Variants in GNA11 observed in about 807,000 individuals in gnomAD.
GNA11 encodes guanine nucleotide-binding protein subunit alpha-11.
GNA11 carries 8 observed loss-of-function variants against 38.2 expected under a neutral mutation model. The ratio of observed to expected loss-of-function variants is 0.21; its 90% confidence interval spans 0.12 to 0.38. The LOEUF (loss-of-function observed/expected upper bound fraction) is 0.38, where lower values mean the gene tolerates loss of function less well. GNA11 is among the 10% of genes least tolerant of loss of function. The pLI is 1.00. For synonymous variants in GNA11, 211 were observed against 221.4 expected, an observed-to-expected ratio of 0.95 and a Z score of 0.42; for missense variants, 268 against 516.3, an observed-to-expected ratio of 0.52 and a Z score of 4.66.
At chr19:3,115,140 A>C (rs2145321442) in intron 4 of GNA11, 68 bp downstream of exon 4, 4 of 1,541,584 alleles carry the variant, frequency 2.6e-6, no homozygotes, top group Non-Finnish European at 3.6e-6. Context: ...GTGCCGGCTC[A>C]TGCCTGCGCA....
At position 3,120,050 on chromosome 19, in the gene GNA11, G is replaced by C. The variant is rs1054463821; in HGVS notation, c.889+691G>C. Among the ~76,000 whole-genome samples, 3 of 152,106 alleles carry C rather than the reference G, an allele frequency of 2.0e-5. No homozygotes were observed. The highest frequency in any genetic ancestry group is 7.2e-5 in the African/African-American group (3 of 41,414). On this transcript the variant is annotated intron_variant, in intron 6 of 6. Coordinates refer to ENST00000078429, the MANE Select transcript of GNA11 (RefSeq NM_002067.5). The surrounding 1 kb of genome is among the most constrained non-coding windows in gnomAD (Gnocchi z 5.9). The stretch of plus-strand genomic sequence containing the variant: ...GTTAGTGCTGTCACCACTCAGAGCT[G>C]TCCCTGCCAGGCACAGTGAGGCCCT...
At chr19:3,099,233 C>T (rs1395258752) in intron 1 of GNA11, among the ~76,000 whole-genome samples, 1 of 115,252 alleles carries the variant, frequency 8.7e-6, no homozygotes, top group South Asian at 2.9e-4. Context: ...CTCGGCCCTA[C>T]CCTGTAGACA....
At chr19:3,114,130 C>T (rs1913848497) in intron 3 of GNA11, among the ~76,000 whole-genome samples, 1 of 152,194 alleles carries the variant, frequency 6.6e-6, no homozygotes. Context: ...TCCCCCGCCC[C>T]TCCTGCCCGT....
rs1914126626 is a variant in GNA11, at chr19:3,123,084, A to G, written c.*1905A>G. The G allele has an allele frequency of 4.3e-6, 1 of 233,128 alleles. No homozygotes were observed. The highest frequency in any genetic ancestry group is 2.2e-5 in the African/African-American group (1 of 45,284). The allele number at this position is 233,128 out of a possible 1,614,324, so 14.4% of individuals were successfully genotyped here. A position where few individuals can be genotyped will look rare whatever the true frequency, so the allele number is the denominator to read the frequency against. ...GCCCGGCGGTGCCCTGGGGGAGCAGATGGGGCCACCCCTGGCAGGGCCGCT... is the reference window on the plus strand; with the variant it reads ...GCCCGGCGGTGCCCTGGGGGAGCAGGTGGGGCCACCCCTGGCAGGGCCGCT... On this transcript the variant is annotated 3_prime_UTR_variant, in exon 7 of 7. Coordinates refer to ENST00000078429, the MANE Select transcript of GNA11 (RefSeq NM_002067.5).
intron 2 of GNA11, among the ~76,000 whole-genome samples, chr19:3,111,253 A>G (rs1318392197): frequency 6.6e-6 from 1 of 152,190 alleles, no homozygotes; most frequent in Non-Finnish European, 1.5e-5. Context: ...ATAGTCGTGC[A>G]GCCATCACCG....
At position 3,094,820 on chromosome 19, in the gene GNA11, G is replaced by T. The variant is rs749334196; in HGVS notation, c.136+33G>T. On this transcript the variant is annotated intron_variant, in intron 1 of 6. Transcript: ENST00000078429. This position sits in a 1 kb window ranked among gnomAD's most constrained non-coding sequence, Gnocchi z 6.0. Reference sequence around the variant, plus strand: ...CGGCCCCCGGGCCTGCCGGCTGCGGGCCCTGCCCTGCCTGTGCCTGCCCTG... The same window carrying T: ...CGGCCCCCGGGCCTGCCGGCTGCGGTCCCTGCCCTGCCTGTGCCTGCCCTG... 4 of 1,480,990 alleles carry T rather than the reference G, an allele frequency of 2.7e-6. No individual in the cohort carries two copies. The highest frequency in any genetic ancestry group is 2.7e-5 in the South Asian group (2 of 75,278). 91.7% of individuals were successfully genotyped at this position (1,480,990 alleles called of 1,614,324 possible).
At chr19:3,099,470 G>A (rs1244239496) in intron 1 of GNA11, among the ~76,000 whole-genome samples, 2 of 152,200 alleles carry the variant, frequency 1.3e-5, no homozygotes, top group African/African-American at 4.8e-5. Flanking sequence ...CTAAGTGCCG[G>A]TTTGCTGGCG....
chr19:3,101,131 A>G (rs1051946288), intron 1 of GNA11, among the ~76,000 whole-genome samples: 1 of 151,996 alleles, frequency 6.6e-6, no homozygotes, highest in Non-Finnish European at 1.5e-5. Flanking sequence ...GGTCACCCTG[A>G]TGTTTCAGGG....
intron 1 of GNA11, among the ~76,000 whole-genome samples, chr19:3,096,304 C>T (rs1196129733): frequency 2.0e-5 from 3 of 152,134 alleles, no homozygotes; most frequent in African/African-American, 4.8e-5. Flanking sequence ...TAGGCAGAGC[C>T]GTGGTCCTCA....
chr19:3,095,418 G>A (rs1427983391), intron 1 of GNA11, among the ~76,000 whole-genome samples: 5 of 151,776 alleles, frequency 3.3e-5, no homozygotes, highest in African/African-American at 1.2e-4. Flanking sequence ...TAACCCACAG[G>A]GCACACTCAC....
rs1914013170 is a variant in GNA11 at position 3,119,494 on chromosome 19, A to G, written c.889+135A>G. 3 of 656,404 alleles carry G rather than the reference A, an allele frequency of 4.6e-6. No individual in the cohort carries two copies. The highest frequency in any genetic ancestry group is 4.9e-6 in the Non-Finnish European group (2 of 408,108). 40.7% of individuals were successfully genotyped at this position (656,404 alleles called of 1,614,324 possible). On this transcript the variant is annotated intron_variant, in intron 6 of 6. Coordinates refer to ENST00000078429, the MANE Select transcript of GNA11 (RefSeq NM_002067.5). The surrounding 1 kb of genome is among the most constrained non-coding windows in gnomAD (Gnocchi z 4.6). Reference sequence around the variant, plus strand: ...TCTGATGGGAGGTGTCATGTATGGGAGTGGAGTCTCAGGGAAGGGAGATCT... The same window carrying G: ...TCTGATGGGAGGTGTCATGTATGGGGGTGGAGTCTCAGGGAAGGGAGATCT...
chr19:3,117,118 G>T (rs1426524880), intron 4 of GNA11: 3 of 152,280 alleles, frequency 2.0e-5, no homozygotes, highest in Admixed American at 2.0e-4. Context: ...CTGGACATGG[G>T]CGATGGTGTA....
chr19:3,098,315 C>T (rs569949311), intron 1 of GNA11, among the ~76,000 whole-genome samples: 52 of 152,390 alleles, frequency 3.4e-4, no homozygotes, highest in Admixed American at 4.6e-4. Context: ...ATCCTGGGGT[C>T]CGCCCTGTGG....
At chr19:3,101,915 G>A (rs781640940) in intron 1 of GNA11, among the ~76,000 whole-genome samples, 9 of 152,058 alleles carry the variant, frequency 5.9e-5, no homozygotes, top group Non-Finnish European at 1.2e-4. Flanking sequence ...GCAACATGAC[G>A]AGACCCCTGT....
At chr19:3,104,512 A>T (rs1436384429) in intron 1 of GNA11, among the ~76,000 whole-genome samples, 1 of 152,160 alleles carries the variant, frequency 6.6e-6, no homozygotes, top group Non-Finnish European at 1.5e-5. Context: ...GGGCTCCCTC[A>T]GGTGTGGGAG....
chr19:3,123,007 G>A lies in GNA11; in HGVS notation c.*1828G>A. 4.3e-6 allele frequency: 1 copy of A among 233,256 alleles called. No individual in the cohort carries two copies. The highest frequency in any genetic ancestry group is 2.2e-5 in the African/African-American group (1 of 45,440). The allele number at this position is 233,256 out of a possible 1,614,324, so 14.4% of individuals were successfully genotyped here. ...CCGGAAGCGTCCTTTTTTTGTGCCA[G>A]GTGTCTACCTAAGAGGGTTGGTGCC... is the stretch of plus-strand genomic sequence containing the variant. On this transcript the variant is annotated 3_prime_UTR_variant, in exon 7 of 7. Transcript: ENST00000078429.
At chr19:3,116,717 G>A (rs1017264001) in intron 4 of GNA11, among the ~76,000 whole-genome samples, 6 of 152,320 alleles carry the variant, frequency 3.9e-5, no homozygotes, top group African/African-American at 1.2e-4. Context: ...GGAGGGCCTC[G>A]CGGTGGCTCC....
At chr19:3,114,327 C>T (rs962912344) in intron 3 of GNA11, among the ~76,000 whole-genome samples, 7 of 152,198 alleles carry the variant, frequency 4.6e-5, no homozygotes, top group East Asian at 1.9e-4. Flanking sequence ...GCGTCAAAAA[C>T]GGGAAACTGT....
At chr19:3,116,780 T>G (rs1913935765) in intron 4 of GNA11, among the ~76,000 whole-genome samples, 1 of 152,164 alleles carries the variant, frequency 6.6e-6, no homozygotes, top group African/African-American at 2.4e-5. Flanking sequence ...CTGGCCCTCA[T>G]GAGGGAATGA....
Sources: allele counts gnomAD v4.1 joint callset (sites outside exome capture counted in the v4.1 genomes callset), GRCh38; gene constraint gnomAD v4.1.1; non-coding constraint Gnocchi (gnomAD v3.1); transcripts MANE v1.5; gene names NCBI Gene and HGNC (gene_info 2026-07-23, HGNC 2026-07-21).